Variants in CDKAL1 observed in about 807,000 individuals in gnomAD.
The protein encoded by CDKAL1 is threonylcarbamoyladenosine tRNA methylthiotransferase.
CDKAL1 carries 32 observed loss-of-function variants against 68.2 expected under a neutral mutation model. That is an observed-to-expected ratio of 0.47 (90% CI 0.35 to 0.63). The LOEUF (loss-of-function observed/expected upper bound fraction) is 0.63, where lower values mean the gene tolerates loss of function less well. Among genes scored for constraint, CDKAL1 ranks in the 30% least tolerant of loss-of-function variants. The pLI is 0.00. For synonymous variants in CDKAL1, 234 were observed against 244.3 expected (o/e 0.96, Z 0.39); for missense variants, 606 against 696.7 (o/e 0.87, Z 1.47).
intron 13 of CDKAL1, among the ~76,000 whole-genome samples, chr6:21,145,450 A>T (rs866447533): frequency 2.4e-4 from 36 of 152,110 alleles, no homozygotes; most frequent in African/African-American, 8.2e-4. Flanking sequence ...TTCTCTAGTA[A>T]CCCCTAGGTC....
chr6:20,934,583 G>A (rs144996127), intron 9 of CDKAL1, among the ~76,000 whole-genome samples: 2 of 152,194 alleles, frequency 1.3e-5, no homozygotes, highest in East Asian at 3.9e-4. Context: ...GGTGGTTCAT[G>A]CCTATAATCC....
intron 5 of CDKAL1, among the ~76,000 whole-genome samples, chr6:20,714,160 G>A (rs577584601): frequency 4.7e-4 from 71 of 151,566 alleles, no homozygotes; most frequent in Non-Finnish European, 7.1e-4. Context: ...CAGCTTATGG[G>A]CAAGAAGTAA....
intron 8 of CDKAL1, among the ~76,000 whole-genome samples, chr6:20,840,715 T>A (rs1410006725): frequency 6.6e-6 from 1 of 152,244 alleles, no homozygotes; most frequent in Non-Finnish European, 1.5e-5. Context: ...TATTATGTTA[T>A]CATTTGAAGA....
chr6:21,153,825 T>C (rs1295225810), intron 13 of CDKAL1, among the ~76,000 whole-genome samples: 3 of 152,046 alleles, frequency 2.0e-5, no homozygotes, highest in Non-Finnish European at 4.4e-5. Context: ...AAACAAAAAA[T>C]TGAGAGCTAG....
intron 4 of CDKAL1, among the ~76,000 whole-genome samples, chr6:20,634,771 A>C (rs1432600251): frequency 1.3e-5 from 2 of 152,134 alleles, no homozygotes; most frequent in Admixed American, 6.5e-5. Flanking sequence ...TGAGGTCAGG[A>C]GTTTGAGACC....
intron 12 of CDKAL1, among the ~76,000 whole-genome samples, chr6:21,099,267 A>G (rs1773466334): frequency 6.6e-6 from 1 of 152,230 alleles, no homozygotes; most frequent in South Asian, 2.1e-4. Flanking sequence ...TATAGGCCAT[A>G]CATTTTCTAT....
chr6:21,227,054 T>C (rs1779776774), intron 15 of CDKAL1, among the ~76,000 whole-genome samples: 1 of 152,262 alleles, frequency 6.6e-6, no homozygotes, highest in Non-Finnish European at 1.5e-5. Flanking sequence ...TGGTGTATGA[T>C]ACTTTGAGCG....
intron 13 of CDKAL1, among the ~76,000 whole-genome samples, chr6:21,165,044 C>T (rs1002810894): frequency 8.5e-5 from 13 of 152,174 alleles, no homozygotes; most frequent in Admixed American, 5.2e-4. Flanking sequence ...TCCTCCTTCC[C>T]CAGGTGTCTC....
intron 13 of CDKAL1, among the ~76,000 whole-genome samples, chr6:21,195,157 C>T (rs373354235): frequency 1.3e-5 from 2 of 151,862 alleles, no homozygotes; most frequent in African/African-American, 2.4e-5. Flanking sequence ...AGTTTTTTTC[C>T]GTATGCTCTG....
intron 9 of CDKAL1, among the ~76,000 whole-genome samples, chr6:20,881,396 T>C (rs550454147): frequency 6.6e-6 from 1 of 152,254 alleles, no homozygotes; most frequent in African/African-American, 2.4e-5. Context: ...ATATGTGATA[T>C]ATAAATTGAT....
At chr6:21,221,557 G>A (rs1224206669) in intron 15 of CDKAL1, among the ~76,000 whole-genome samples, 2 of 152,136 alleles carry the variant, frequency 1.3e-5, no homozygotes, top group Admixed American at 1.3e-4. Context: ...ATAGTATACT[G>A]TACTGCATAA....
In CDKAL1 at chr6:21,231,438, T is replaced by G. The variant is rs1248564313; in HGVS notation, c.*399T>G. 1 of 154,278 alleles carries G rather than the reference T, an allele frequency of 6.5e-6. No individual in the cohort carries two copies. The highest frequency in any genetic ancestry group is 1.4e-5 in the Non-Finnish European group (1 of 69,468). 9.6% of individuals were successfully genotyped at this position (154,278 alleles called of 1,614,324 possible). A position where few individuals can be genotyped will look rare whatever the true frequency, so the allele number is the denominator to read the frequency against. Reference sequence around the variant, plus strand: ...AATAAACTTTTTCTTTGTTTTTTTTTTCCAGATGGAGTTTCGCTCTTGTCC... The same window carrying G: ...AATAAACTTTTTCTTTGTTTTTTTTGTCCAGATGGAGTTTCGCTCTTGTCC... On this transcript the variant is annotated 3_prime_UTR_variant, in exon 16 of 16. Coordinates refer to ENST00000274695, the MANE Select transcript of CDKAL1 (RefSeq NM_017774.3).
intron 8 of CDKAL1, among the ~76,000 whole-genome samples, chr6:20,820,163 C>T (rs764418936): frequency 6.6e-6 from 1 of 152,144 alleles, no homozygotes; most frequent in Non-Finnish European, 1.5e-5. Context: ...ATGTAGGCTG[C>T]ATTGTCACCC....
chr6:20,691,303 C>T (rs1018405086), intron 5 of CDKAL1, among the ~76,000 whole-genome samples: 8 of 151,968 alleles, frequency 5.3e-5, no homozygotes, highest in Non-Finnish European at 1.0e-4. Context: ...CCCTGAGCAG[C>T]GACTGCTGCT....
intron 13 of CDKAL1, among the ~76,000 whole-genome samples, chr6:21,128,140 C>A (rs1325917633): frequency 2.6e-5 from 4 of 152,148 alleles, no homozygotes; most frequent in Non-Finnish European, 5.9e-5. Context: ...GGAAACTGTA[C>A]TTGGAGTTTT....
intron 5 of CDKAL1, among the ~76,000 whole-genome samples, chr6:20,665,031 ACT>A (rs1347873263): frequency 3.3e-5 from 5 of 151,770 alleles, no homozygotes; most frequent in Non-Finnish European, 5.9e-5. Flanking sequence ...TGCAGCTGAG[ACT>A]CTGGGTCTTG....
chr6:21,188,738 C>T (rs557143236), intron 13 of CDKAL1, among the ~76,000 whole-genome samples: 24 of 152,112 alleles, frequency 1.6e-4, no homozygotes, highest in African/African-American at 5.3e-4. Context: ...TACTTTGTGC[C>T]GGCTCTGTGA....
At chr6:21,053,598 C>A (rs578102059) in intron 11 of CDKAL1, among the ~76,000 whole-genome samples, 1 of 152,046 alleles carries the variant, frequency 6.6e-6, no homozygotes, top group African/African-American at 2.4e-5. Context: ...TGTATAAGTG[C>A]GTCAGTTTCT....
intron 11 of CDKAL1, among the ~76,000 whole-genome samples, chr6:21,021,790 A>AAGT (rs2150862141): frequency 6.6e-6 from 1 of 152,222 alleles, no homozygotes; most frequent in African/African-American, 2.4e-5. Flanking sequence ...CCCACACACT[A>AAGT]ATTCAACCCC....
Sources: gnomAD v4.1 joint callset for allele counts (sites outside exome capture counted in the v4.1 genomes callset) on GRCh38, gnomAD v4.1.1 for gene constraint, MANE v1.5 for transcripts, NCBI Gene and HGNC (gene_info 2026-07-23, HGNC 2026-07-21) for gene names.